STPG2: variants seen among roughly 807,000 people sequenced by gnomAD.
The protein encoded by STPG2 is sperm tail PG-rich repeat containing 2.
A neutral mutation model predicts 54.2 loss-of-function variants in STPG2; 56 were observed. The observed-to-expected ratio is 1.03, with a 90% CI of 0.83 to 1.29. STPG2 has a LOEUF of 1.29. STPG2 is among the 50% of genes most tolerant of loss of function. The probability of loss-of-function intolerance (pLI) is 0.00; values close to 1 mark genes in which losing one functional copy is unlikely to be tolerated. For missense variants in STPG2, 596 were observed against 544.9 expected (o/e 1.09, Z -0.93); for synonymous variants, 200 against 181.8 (o/e 1.10, Z -0.81).
rs540224927 is a variant in STPG2 at position 97,529,705 on chromosome 4, CTT to C, written c.462+182992_462+182993del. Among the ~76,000 whole-genome samples, 598 of 152,230 alleles carry C rather than the reference CTT, an allele frequency of 3.9e-3. 8 individuals carry two copies. Among genetic ancestry groups the C allele is most frequent in the Non-Finnish European group, 5.3e-3 (361 of 68,018 alleles). On this transcript the variant is annotated intron_variant, in intron 4 of 4. Transcript: ENST00000522676. ...GGATTCAACTTCTTCCTGGTTTAGT[CTT>C]GGGAGCATGTATGTATCCAAGAATT...
intron 9 of STPG2, among the ~76,000 whole-genome samples, chr4:97,771,964 C>T (rs1560521362): frequency 6.6e-6 from 1 of 152,192 alleles, no homozygotes; most frequent in Non-Finnish European, 1.5e-5. Context: ...AGGGCCTGTA[C>T]ATTCTGAATG....
intron 9 of STPG2, among the ~76,000 whole-genome samples, chr4:97,813,279 G>GTAC (rs1382599701): frequency 2.0e-5 from 3 of 151,924 alleles, no homozygotes; most frequent in Non-Finnish European, 4.4e-5. Flanking sequence ...TACCTATCAG[G>GTAC]TACTATGCTC....
intron 10 of STPG2, among the ~76,000 whole-genome samples, chr4:97,565,219 A>G (rs1302405657): frequency 6.6e-6 from 1 of 152,084 alleles, no homozygotes; most frequent in African/African-American, 2.4e-5. Flanking sequence ...CTTCCAGTTG[A>G]TCACATCAGC....
chr4:97,923,302 ACCC>A lies in STPG2; in HGVS notation c.1044+20592_1044+20594del, dbSNP rs79611394. On this transcript the variant is annotated intron_variant, in intron 8 of 10. Transcript: ENST00000295268. ...GGCTGTGCGCAGCGCTTCCCCTCCC[ACCC>A]CCCCCGCCATGGGCTCCTGTGTGGC... Among the ~76,000 whole-genome samples the A allele has an allele frequency of 1.7e-4, 22 of 131,938 alleles. 1 individual carries two copies. In the South Asian group the frequency reaches 5.5e-3, roughly 33 times the overall value. The allele number at this position is 131,938 out of a possible 152,430, so 86.6% of individuals were successfully genotyped here.
intron 9 of STPG2, among the ~76,000 whole-genome samples, chr4:97,787,293 T>G (rs1349512295): frequency 6.6e-6 from 1 of 152,148 alleles, no homozygotes. Flanking sequence ...TTTATCATAT[T>G]GAGGAAGACT....
intron 10 of STPG2, among the ~76,000 whole-genome samples, chr4:97,654,801 T>C (rs1722174666): frequency 6.9e-6 from 1 of 144,300 alleles, no homozygotes; most frequent in Non-Finnish European, 1.5e-5. Context: ...TTTACAATAG[T>C]AAAAAAAATC....
intron 5 of STPG2, among the ~76,000 whole-genome samples, chr4:98,038,220 C>A (rs182837631): frequency 6.6e-6 from 1 of 151,488 alleles, no homozygotes; most frequent in Non-Finnish European, 1.5e-5. Context: ...AAATTAATAA[C>A]GGAAGATCAT....
chr4:97,527,849 TG>T (rs1419367577), intron 4 of STPG2, among the ~76,000 whole-genome samples: 1 of 152,178 alleles, frequency 6.6e-6, no homozygotes, highest in Non-Finnish European at 1.5e-5. Context: ...TGGGGTTGTT[TG>T]TTTTTTTCTT....
At chr4:97,854,108 G>A (rs575596834) in intron 8 of STPG2, among the ~76,000 whole-genome samples, 41 of 152,254 alleles carry the variant, frequency 2.7e-4, no homozygotes, top group Non-Finnish European at 4.0e-4. Flanking sequence ...TTATAGGCAT[G>A]AGCCACTATT....
At chr4:97,575,110 C>T (rs1368391457) in intron 10 of STPG2, among the ~76,000 whole-genome samples, 1 of 151,908 alleles carries the variant, frequency 6.6e-6, no homozygotes, top group African/African-American at 2.4e-5. Context: ...GCTGAACAGA[C>T]TGCTAATGAG....
At chr4:97,838,106 A>G (rs988147317) in intron 9 of STPG2, among the ~76,000 whole-genome samples, 1 of 151,618 alleles carries the variant, frequency 6.6e-6, no homozygotes, top group Non-Finnish European at 1.5e-5. Flanking sequence ...GTGTACACAC[A>G]TATATACATA....
chr4:97,987,680 C>T (rs1175166668), intron 5 of STPG2, among the ~76,000 whole-genome samples: 1 of 152,036 alleles, frequency 6.6e-6, no homozygotes, highest in Non-Finnish European at 1.5e-5. Context: ...AGAATTACTC[C>T]TTGAGTTACT....
At chr4:97,710,881 T>C (rs1404747172) in intron 10 of STPG2, among the ~76,000 whole-genome samples, 1 of 151,970 alleles carries the variant, frequency 6.6e-6, no homozygotes, top group African/African-American at 2.4e-5. Context: ...AAAGCTACCT[T>C]GAAGTTCAGT....
At chr4:97,819,923 C>G (rs543957938) in intron 9 of STPG2, among the ~76,000 whole-genome samples, 1 of 151,922 alleles carries the variant, frequency 6.6e-6, no homozygotes, top group Non-Finnish European at 1.5e-5. Context: ...TTTATTGTGT[C>G]TTGCTTTATT....
At chr4:98,081,844 C>T (rs1018553665) in intron 5 of STPG2, among the ~76,000 whole-genome samples, 2 of 152,154 alleles carry the variant, frequency 1.3e-5, no homozygotes, top group African/African-American at 2.4e-5. Flanking sequence ...GCTTTATAAA[C>T]TTAGCAAAGG....
chr4:97,608,394 T>A (rs1733647007), intron 10 of STPG2, among the ~76,000 whole-genome samples: 1 of 151,932 alleles, frequency 6.6e-6, no homozygotes, highest in Non-Finnish European at 1.5e-5. Flanking sequence ...GTGGCACAGG[T>A]ATAAGTGAGC....
intron 4 of STPG2, among the ~76,000 whole-genome samples, chr4:97,537,691 G>C (rs889354016): frequency 1.3e-5 from 2 of 152,226 alleles, no homozygotes; most frequent in Non-Finnish European, 2.9e-5. Flanking sequence ...GCTTTGAAGA[G>C]AGTAGTGGTT....
intron 10 of STPG2, among the ~76,000 whole-genome samples, chr4:97,622,078 C>T (rs978230494): frequency 2.6e-5 from 4 of 152,092 alleles, no homozygotes; most frequent in Non-Finnish European, 4.4e-5. Context: ...AATTCAATAT[C>T]GCTTCATATC....
intron 4 of STPG2, among the ~76,000 whole-genome samples, chr4:97,544,173 T>C (rs1015560851): frequency 6.6e-6 from 1 of 152,116 alleles, no homozygotes; most frequent in Admixed American, 6.6e-5. Flanking sequence ...ATTATAAAGA[T>C]ACAATTCCAG....
Sources: allele counts gnomAD v4.1 joint callset (sites outside exome capture counted in the v4.1 genomes callset), GRCh38; gene constraint gnomAD v4.1.1; transcripts MANE v1.5; gene names NCBI Gene and HGNC (gene_info 2026-07-23, HGNC 2026-07-21).